Variants in BANK1 observed in about 807,000 individuals in gnomAD.
BANK1 encodes B cell scaffold protein with ankyrin repeats 1.
A neutral mutation model predicts 94.5 loss-of-function variants in BANK1; 95 were observed. The ratio of observed to expected loss-of-function variants is 1.00; its 90% CI spans 0.85 to 1.19. The LOEUF (loss-of-function observed/expected upper bound fraction) is 1.19, where lower values mean the gene tolerates loss of function less well. Among genes scored for constraint, BANK1 ranks in the 50% most tolerant of loss-of-function variants. The probability of loss-of-function intolerance (pLI) is 0.00; values close to 1 mark genes in which losing one functional copy is unlikely to be tolerated. For missense variants in BANK1, 987 were observed against 932.2 expected, an observed-to-expected ratio of 1.06 and a Z score of -0.77; for synonymous variants, 334 against 308.4, an observed-to-expected ratio of 1.08 and a Z score of -0.87.
chr4:101,802,244 A>T (rs1361994910), intron 1 of BANK1, among the ~76,000 whole-genome samples: 1 of 152,206 alleles, frequency 6.6e-6, no homozygotes, highest in Non-Finnish European at 1.5e-5. Context: ...TGATGAAGGC[A>T]TTTCTAACAT....
At chr4:101,939,942 T>C (rs780706409) in intron 7 of BANK1, among the ~76,000 whole-genome samples, 9 of 151,914 alleles carry the variant, frequency 5.9e-5, no homozygotes, top group Non-Finnish European at 1.2e-4. Context: ...CTGGTGCTAT[T>C]CAAATATCTT....
chr4:101,919,286 C>T (rs1003685044), intron 7 of BANK1, among the ~76,000 whole-genome samples: 2 of 151,790 alleles, frequency 1.3e-5, no homozygotes, highest in Non-Finnish European at 2.9e-5. Context: ...TAAAATTTTC[C>T]CTGGAAGTCC....
At chr4:101,980,347 A>G (rs1277768640) in intron 7 of BANK1, among the ~76,000 whole-genome samples, 2 of 151,742 alleles carry the variant, frequency 1.3e-5, no homozygotes, top group East Asian at 3.9e-4. Context: ...CTGAGTATCA[A>G]TTGTCCCAAA....
rs548057379 is a variant in BANK1, at chr4:102,069,722, C to T, written c.2213-1553C>T. Among the ~76,000 whole-genome samples, 4 of 152,196 alleles carry T rather than the reference C, an allele frequency of 2.6e-5. No homozygotes were observed. The South Asian group carries it at 8.3e-4, about 32-fold the overall frequency. On this transcript the variant is annotated intron_variant, in intron 13 of 16. Transcript: ENST00000322953. ...GGTTATTACAACAAATGCAAATGTC[C>T]AATGGAAGAATACATGCTTATACTG...
intron 12 of BANK1, 64 bp from the exon 13 acceptor site, chr4:102,063,011 G>A (rs1728471833): frequency 9.0e-6 from 12 of 1,337,246 alleles, no homozygotes; most frequent in Non-Finnish European, 1.3e-5. Flanking sequence ...AGTAGTTGAT[G>A]TTTTCATCTT....
chr4:101,853,555 G>A (rs1016800114), intron 2 of BANK1, among the ~76,000 whole-genome samples: 3 of 152,300 alleles, frequency 2.0e-5, no homozygotes, highest in South Asian at 4.1e-4. Context: ...AAGGGCATTA[G>A]AAAGGACTTG....
chr4:102,041,891 A>G (rs1727715118), intron 10 of BANK1, among the ~76,000 whole-genome samples: 1 of 152,080 alleles, frequency 6.6e-6, no homozygotes, highest in African/African-American at 2.4e-5. Flanking sequence ...TTCCAGTAAC[A>G]TATAAGGTGT....
chr4:101,824,390 AG>A (rs1348144963), intron 1 of BANK1, among the ~76,000 whole-genome samples: 1 of 152,274 alleles, frequency 6.6e-6, no homozygotes, highest in Non-Finnish European at 1.5e-5. Flanking sequence ...CAGATTATAC[AG>A]GAAACACTTC....
At chr4:101,840,835 C>T (rs1275865246) in intron 2 of BANK1, among the ~76,000 whole-genome samples, 2 of 152,122 alleles carry the variant, frequency 1.3e-5, no homozygotes, top group Non-Finnish European at 2.9e-5. Context: ...GGGTCTCCCC[C>T]ACCGAGCTGG....
intron 5 of BANK1, among the ~76,000 whole-genome samples, chr4:101,878,452 T>C (rs1728567937): frequency 5.3e-5 from 8 of 152,126 alleles, no homozygotes; most frequent in Admixed American, 5.2e-4. Flanking sequence ...CAACCAGATA[T>C]AAAATCAAAT....
intron 13 of BANK1, among the ~76,000 whole-genome samples, chr4:102,069,609 G>C (rs942113978): frequency 3.3e-5 from 5 of 152,156 alleles, no homozygotes; most frequent in Non-Finnish European, 7.4e-5. Flanking sequence ...TTCCAAGACA[G>C]ATAAATGCTT....
chr4:101,983,559 G>A (rs1170675538), intron 7 of BANK1, among the ~76,000 whole-genome samples: 1 of 152,076 alleles, frequency 6.6e-6, no homozygotes, highest in Non-Finnish European at 1.5e-5. Flanking sequence ...TTTCAGTACA[G>A]CCCCTTCAGA....
intron 7 of BANK1, among the ~76,000 whole-genome samples, chr4:101,951,201 T>C (rs544125013): frequency 6.6e-6 from 1 of 152,250 alleles, no homozygotes; most frequent in East Asian, 1.9e-4. Flanking sequence ...GTGTGAAATA[T>C]AAGGAACTCT....
chr4:101,916,565 C>T (rs1722835816), intron 6 of BANK1, among the ~76,000 whole-genome samples: 1 of 151,982 alleles, frequency 6.6e-6, no homozygotes, highest in Admixed American at 6.6e-5. Context: ...TATCAGCCAT[C>T]TTTGTAGAGA....
intron 7 of BANK1, among the ~76,000 whole-genome samples, chr4:101,921,067 A>C (rs1405878075): frequency 6.6e-6 from 1 of 151,908 alleles, no homozygotes; most frequent in Non-Finnish European, 1.5e-5. Context: ...TTAATAATTT[A>C]TACACAGTCT....
At chr4:102,070,833 T>C (rs1346268930) in intron 13 of BANK1, among the ~76,000 whole-genome samples, 1 of 152,166 alleles carries the variant, frequency 6.6e-6, no homozygotes, top group African/African-American at 2.4e-5. Flanking sequence ...TCTACGGAGA[T>C]AAAATGGTCT....
intron 7 of BANK1, among the ~76,000 whole-genome samples, chr4:101,926,026 A>G (rs1723140757): frequency 6.6e-6 from 1 of 151,746 alleles, no homozygotes; most frequent in Non-Finnish European, 1.5e-5. Context: ...ATTTCATTGG[A>G]AAAATATTGT....
rs192427386 is a variant in BANK1 at position 101,996,823 on chromosome 4, T to C, written c.1207-24691T>C. On this transcript the variant is annotated intron_variant, in intron 7 of 16. Transcript: ENST00000322953. ...TAAGTTGCTTATCAGCTTAAGGAGA[T>C]TTTGGGCTGAGACGATGGGGTTTTC... Among the ~76,000 whole-genome samples the C allele has an allele frequency of 2.8e-3, 422 of 152,322 alleles. 1 individual carries two copies. The highest frequency in any genetic ancestry group is 6.8e-3 in the Middle Eastern group (2 of 294).
At chr4:101,951,028 G>A (rs1294069231) in intron 7 of BANK1, among the ~76,000 whole-genome samples, 5 of 152,248 alleles carry the variant, frequency 3.3e-5, no homozygotes, top group African/African-American at 1.2e-4. Flanking sequence ...ATGTAATGTA[G>A]TATCCTGGAT....
Sources: allele counts gnomAD v4.1 joint callset (sites outside exome capture counted in the v4.1 genomes callset), GRCh38; gene constraint gnomAD v4.1.1; transcripts MANE v1.5; gene names NCBI Gene and HGNC (gene_info 2026-07-23, HGNC 2026-07-21).